RUFY4: variants seen among roughly 807,000 people sequenced by gnomAD.
RUFY4 encodes RUN and FYVE domain containing 4, also known as RUN and FYVE domain-containing protein 4.
Under a neutral mutation model 69.0 loss-of-function variants are expected in RUFY4, and 73 were observed. The observed-to-expected ratio is 1.06, with a 90% CI of 0.88 to 1.29. The LOEUF is 1.29. RUFY4 is among the 50% of genes most tolerant of loss of function. The pLI is 0.00. For synonymous variants in RUFY4, 287 were observed against 271.8 expected, an observed-to-expected ratio of 1.06 and a Z score of -0.55; for missense variants, 770 against 705.6, an observed-to-expected ratio of 1.09 and a Z score of -1.03.
chr2:218,056,548 A>G (rs1229041671), intron 2 of RUFY4, among the ~76,000 whole-genome samples: 1 of 152,240 alleles, frequency 6.6e-6, no homozygotes, highest in African/African-American at 2.4e-5. Flanking sequence ...CCTAACTTCA[A>G]GATGGTTACC....
intron 2 of RUFY4, among the ~76,000 whole-genome samples, chr2:218,053,711 C>T (rs1015572013): frequency 2.0e-5 from 3 of 152,068 alleles, no homozygotes; most frequent in African/African-American, 7.2e-5. Flanking sequence ...GGGGTTTCAC[C>T]GTGGTCTTGA....
chr2:218,062,647 G>T (rs768279068), intron 3 of RUFY4, among the ~76,000 whole-genome samples: 9 of 151,970 alleles, frequency 5.9e-5, no homozygotes, highest in Non-Finnish European at 1.2e-4. Flanking sequence ...GGAGGCAGGG[G>T]TTGCAGTGAG....
chr2:218,085,109 T>A (rs1257983702), intron 9 of RUFY4, among the ~76,000 whole-genome samples: 1 of 152,072 alleles, frequency 6.6e-6, no homozygotes, highest in African/African-American at 2.4e-5. Context: ...AACGTATATA[T>A]CCCCAAAGTG....
intron 2 of RUFY4, among the ~76,000 whole-genome samples, chr2:218,041,302 G>A (rs1688691504): frequency 6.6e-6 from 1 of 152,208 alleles, no homozygotes; most frequent in East Asian, 1.9e-4. Context: ...TTTAGACACT[G>A]CTTATCAATT....
At chr2:218,069,483 T>C (rs938759182), upstream of RUFY4, 4 of 151,944 alleles carry the variant, frequency 2.6e-5, no homozygotes, top group African/African-American at 9.7e-5. Context: ...TCACACAGGA[T>C]CTGGGCTGGA....
At chr2:218,041,724 C>A (rs1164945961) in intron 2 of RUFY4, among the ~76,000 whole-genome samples, 3 of 152,190 alleles carry the variant, frequency 2.0e-5, no homozygotes. Flanking sequence ...TTAATATAGG[C>A]ATTTACAAGA....
chr2:218,059,782 T>C (rs1237864224), intron 3 of RUFY4: 4 of 166,638 alleles, frequency 2.4e-5, no homozygotes, highest in Non-Finnish European at 4.4e-5. Context: ...GCTATGAATA[T>C]TGGTGTACAA....
chr2:218,036,839 T>C (rs1958986799), intron 2 of RUFY4, among the ~76,000 whole-genome samples: 3 of 152,366 alleles, frequency 2.0e-5, no homozygotes, highest in South Asian at 4.1e-4. Flanking sequence ...TCAGGTATTT[T>C]GGTGAAACTC....
At chr2:218,062,577 G>A (rs964331402) in intron 3 of RUFY4, among the ~76,000 whole-genome samples, 10 of 152,144 alleles carry the variant, frequency 6.6e-5, no homozygotes, top group African/African-American at 2.4e-4. Context: ...TGGGCCCAGT[G>A]GCATGCACCT....
intron 8 of RUFY4, among the ~76,000 whole-genome samples, chr2:218,081,794 C>T (rs763054264): frequency 6.6e-6 from 1 of 152,278 alleles, no homozygotes; most frequent in Non-Finnish European, 1.5e-5. Flanking sequence ...GTTGCAGTGA[C>T]TGAACTCTTT....
chr2:218,075,719 G>A, exon 7 of RUFY4: 1 of 1,450,814 alleles, frequency 6.9e-7, no homozygotes, highest in Non-Finnish European at 9.1e-7. Context: ...AAGCCGAGGT[G>A]TCCCTGCAGG....
At chr2:218,075,053 G>T (rs1302085859) in intron 6 of RUFY4, 40 bp from the exon 9 acceptor site, 70 of 1,474,266 alleles carry the variant, frequency 4.7e-5, no homozygotes, top group Admixed American at 1.5e-4. Context: ...TCAGTGAATT[G>T]GTGCTGAGAG....
chr2:218,066,208 A>AATT (rs1689326270), upstream of RUFY4, among the ~76,000 whole-genome samples: 1 of 101,346 alleles, frequency 9.9e-6, no homozygotes, highest in Non-Finnish European at 1.9e-5. Context: ...TTTGAGAAGG[A>AATT]ATTTTGCTCT....
At chr2:218,061,138 G>A in intron 3 of RUFY4, 1 of 474,570 alleles carries the variant, frequency 2.1e-6, no homozygotes, top group South Asian at 1.8e-5. Context: ...AAAAGAACAG[G>A]TCGGCCAAGG....
intron 8 of RUFY4, among the ~76,000 whole-genome samples, chr2:218,079,462 G>A (rs995780796): frequency 2.6e-5 from 4 of 152,192 alleles, no homozygotes; most frequent in South Asian, 4.1e-4. Flanking sequence ...CTGTGGCAGG[G>A]CAGATTTGTA....
At chr2:218,046,988 A>G (rs1240508858) in intron 2 of RUFY4, among the ~76,000 whole-genome samples, 2 of 151,994 alleles carry the variant, frequency 1.3e-5, no homozygotes, top group Non-Finnish European at 2.9e-5. Flanking sequence ...ACTGTGAAAC[A>G]ATACCAAAGT....
upstream of RUFY4, chr2:218,065,414 GGCAAGGGAGCAGGGCCCAT>G (rs1257681574): frequency 6.5e-6 from 1 of 152,682 alleles, no homozygotes; most frequent in Non-Finnish European, 1.5e-5. Context: ...TTTGCCCAAG[GGCAAGGGAGCAGGGCCCAT>G]GCTTTAGAGT....
chr2:218,053,255 G>T (rs571442235), intron 2 of RUFY4, among the ~76,000 whole-genome samples: 1 of 151,988 alleles, frequency 6.6e-6, no homozygotes, highest in Non-Finnish European at 1.5e-5. Context: ...CCCCTGGAAA[G>T]TCTCAAAGGA....
chr2:218,089,162 C>A, intron 9 of RUFY4, 90 bp from the exon 12 acceptor site: 1 of 987,244 alleles, frequency 1.0e-6, no homozygotes, highest in Non-Finnish European at 1.5e-6. Context: ...TCCGTCTGTT[C>A]CTCTCTGTCT....
Sources: allele counts gnomAD v4.1 joint callset (sites outside exome capture counted in the v4.1 genomes callset), GRCh38; gene constraint gnomAD v4.1.1; transcripts MANE v1.5; gene names NCBI Gene and HGNC (gene_info 2026-07-23, HGNC 2026-07-21).